Variants in TCF20 observed in about 807,000 individuals in gnomAD.
TCF20 encodes the protein transcription factor 20.
A neutral mutation model predicts 148.6 loss-of-function variants in TCF20; 3 were observed. The ratio of observed to expected loss-of-function variants is 0.02; its 90% CI spans 0.01 to 0.05. The LOEUF (loss-of-function observed/expected upper bound fraction) is 0.05, where lower values mean the gene tolerates loss of function less well. Ranked by LOEUF, TCF20 falls within the 10% of genes least tolerant of loss-of-function variation. The pLI is 1.00. For missense variants in TCF20, 2,350 were observed against 2,429.3 expected, an observed-to-expected ratio of 0.97 and a Z score of 0.69; for synonymous variants, 1,049 against 909.5, an observed-to-expected ratio of 1.15 and a Z score of -2.76.
rs1322475696 is a variant in TCF20 at position 42,212,412 on chromosome 22, GCATTGCCGCGGTAAGACT to G, written c.2876_2893del (p.Glu959_Asn964del). The stretch of plus-strand genomic sequence containing the variant: ...ATCATGGGTTGCTGCTCCAGGGCTG[GCATTGCCGCGGTAAGACT>G]CATGCTTGATGCTAGGAGGATGGCA... On this transcript the variant is annotated inframe_deletion, in exon 2 of 6. Transcript: ENST00000677622. 1 of 1,614,234 alleles carries G rather than the reference GCATTGCCGCGGTAAGACT, an allele frequency of 6.2e-7. No individual in the cohort carries two copies. The highest frequency in any genetic ancestry group is 8.5e-7 in the Non-Finnish European group (1 of 1,180,034).
intron 2 of TCF20, among the ~76,000 whole-genome samples, chr22:42,187,352 T>A (rs1937094551): frequency 6.6e-6 from 1 of 152,234 alleles, no homozygotes; most frequent in East Asian, 1.9e-4. Context: ...TAGATCACCA[T>A]TCTCCTCCCA....
intron 1 of TCF20, among the ~76,000 whole-genome samples, chr22:42,329,668 G>T (rs1335103401): frequency 1.3e-5 from 2 of 152,244 alleles, no homozygotes; most frequent in Admixed American, 1.3e-4. Context: ...CAGGGATGCA[G>T]GAGGGCTGAG....
rs532468891 is a variant in TCF20 at position 42,258,223 on chromosome 22, A to G, written c.-37+12116T>C. Among the ~76,000 whole-genome samples, 114 of 152,230 alleles carry G rather than the reference A, an allele frequency of 7.5e-4. 1 individual carries two copies. Among genetic ancestry groups the G allele is most frequent in the South Asian group, 4.6e-3 (22 of 4,818 alleles). On this transcript the variant is annotated intron_variant, in intron 1 of 5. Transcript: ENST00000677622. Reference sequence around the variant, plus strand: ...CTATCCGCTTGGCAGGAAGTTTCTTAAAATCTTTCATGCTTTCTTGAAACC... The same window carrying G: ...CTATCCGCTTGGCAGGAAGTTTCTTGAAATCTTTCATGCTTTCTTGAAACC...
intron 1 of TCF20, among the ~76,000 whole-genome samples, chr22:42,309,089 C>T (rs1601701695): frequency 6.6e-6 from 1 of 152,038 alleles, no homozygotes; most frequent in African/African-American, 2.4e-5. Flanking sequence ...GCCGGCCGGC[C>T]ACAGAGAGGC....
chr22:42,229,576 G>C (rs1449250027), intron 1 of TCF20, among the ~76,000 whole-genome samples: 6 of 152,272 alleles, frequency 3.9e-5, no homozygotes, highest in Admixed American at 2.6e-4. Context: ...TCAGAAGATA[G>C]GGTGCGTAAC....
intron 1 of TCF20, among the ~76,000 whole-genome samples, chr22:42,239,119 A>T (rs1434011469): frequency 1.3e-5 from 2 of 151,824 alleles, no homozygotes; most frequent in Admixed American, 1.3e-4. Flanking sequence ...CTCCATCTCA[A>T]AAAAGAAAAA....
At chr22:42,221,738 G>A (rs910367861) in intron 1 of TCF20, among the ~76,000 whole-genome samples, 1 of 40,694 alleles carries the variant, frequency 2.5e-5, no homozygotes, top group African/African-American at 2.1e-4. Flanking sequence ...TATGGCAAAG[G>A]GTTTTTTTTT....
intron 1 of TCF20, among the ~76,000 whole-genome samples, chr22:42,330,252 C>T (rs1927949005): frequency 6.6e-6 from 1 of 152,152 alleles, no homozygotes; most frequent in Non-Finnish European, 1.5e-5. Flanking sequence ...TCCTTCCTTC[C>T]AGGGCCATAA....
At chr22:42,340,771 C>A (rs1928149623) in intron 1 of TCF20, among the ~76,000 whole-genome samples, 1 of 152,122 alleles carries the variant, frequency 6.6e-6, no homozygotes, top group African/African-American at 2.4e-5. Flanking sequence ...ATGGCTGCCT[C>A]CATCCCTCAT....
chr22:42,341,328 C>A (rs1009867235), intron 1 of TCF20, among the ~76,000 whole-genome samples: 1 of 152,150 alleles, frequency 6.6e-6, no homozygotes, highest in Non-Finnish European at 1.5e-5. Flanking sequence ...CCCTGGCGCT[C>A]GGCCAGAGGG....
intron 1 of TCF20, among the ~76,000 whole-genome samples, chr22:42,268,048 A>T (rs1435490692): frequency 2.0e-5 from 3 of 152,122 alleles, no homozygotes; most frequent in African/African-American, 7.2e-5. Context: ...CGGGAGGCTG[A>T]CGCAGGAGAA....
At chr22:42,170,968 C>T (rs1936099123) in intron 3 of TCF20, among the ~76,000 whole-genome samples, 1 of 152,180 alleles carries the variant, frequency 6.6e-6, no homozygotes, top group African/African-American at 2.4e-5. Flanking sequence ...AAGCCTCCAA[C>T]ACAAATCACA....
chr22:42,294,218 G>C (rs1325447899), intron 1 of TCF20, among the ~76,000 whole-genome samples: 7 of 152,152 alleles, frequency 4.6e-5, no homozygotes. Flanking sequence ...CACCTGCAGT[G>C]CGGTGCATTA....
chr22:42,223,208 G>T (rs987542025), intron 1 of TCF20, among the ~76,000 whole-genome samples: 3 of 152,158 alleles, frequency 2.0e-5, no homozygotes, highest in Non-Finnish European at 2.9e-5. Context: ...GTCACTGTGT[G>T]GTTTTACCTG....
chr22:42,288,715 C>CAAA (rs60058670), upstream of TCF20, among the ~76,000 whole-genome samples: 31 of 85,268 alleles, frequency 3.6e-4, no homozygotes, highest in African/African-American at 4.4e-4. Flanking sequence ...GACCCTGTAT[C>CAAA]AAAAAAAAAA....
intron 5 of TCF20, among the ~76,000 whole-genome samples, chr22:42,164,888 T>TC (rs1935686587): frequency 1.3e-5 from 2 of 152,066 alleles, no homozygotes; most frequent in African/African-American, 2.4e-5. Context: ...GGAAGCCTGG[T>TC]CCCTGAGGAG....
At position 42,214,249 on chromosome 22, in the gene TCF20, G is replaced by C. The variant is rs1232982174; in HGVS notation, c.1057C>G (p.Pro353Ala). The C allele has an allele frequency of 4.3e-6, 7 of 1,614,102 alleles. No homozygotes were observed. The East Asian group carries it at 1.6e-4, about 36-fold the overall frequency. The change falls in exon 2 of 6, where the codon CCT (proline) becomes GCT (alanine). Residue 353 changes from proline (P) to alanine (A), a missense_variant. Coordinates refer to ENST00000677622, the MANE Select transcript of TCF20 (RefSeq NM_001378418.1). The stretch of plus-strand genomic sequence containing the variant: ...TGAAACTGCATGGGGGACCTCACAG[G>C]AACCTCAGGCTGGTTGTACTGCCCC... ...QVGQYNQPEV[P>A]VRSPMQFHQN...
chr22:42,163,774 C>A (rs947820154), intron 5 of TCF20, among the ~76,000 whole-genome samples: 1 of 152,198 alleles, frequency 6.6e-6, no homozygotes, highest in African/African-American at 2.4e-5. Flanking sequence ...CGACCTGCCG[C>A]CCCTGTGCTG....
intron 1 of TCF20, among the ~76,000 whole-genome samples, chr22:42,291,418 C>T (rs915345754): frequency 3.3e-5 from 5 of 152,174 alleles, no homozygotes; most frequent in African/African-American, 7.2e-5. Flanking sequence ...ACTAGAGTCT[C>T]GACCAGGGTA....
Sources: gnomAD v4.1 joint callset for allele counts (sites outside exome capture counted in the v4.1 genomes callset) on GRCh38, gnomAD v4.1.1 for gene constraint, MANE v1.5 for transcripts, NCBI Gene and HGNC (gene_info 2026-07-23, HGNC 2026-07-21) for gene names.